The following DMD variants were observed in gnomAD, a reference collection of about 807,000 sequenced individuals.
The protein encoded by DMD is dystrophin.
DMD carries 63 observed loss-of-function variants against 330.1 expected under a neutral mutation model. That is an observed-to-expected ratio of 0.19 (90% CI 0.16 to 0.24). The LOEUF is 0.24. Among genes scored for constraint, DMD ranks in the 10% least tolerant of loss-of-function variants. The pLI, the probability that DMD is intolerant of heterozygous loss-of-function variation, is 1.00. For synonymous variants in DMD, 1,223 were observed against 959.8 expected (o/e 1.27, Z -5.07); for missense variants, 3,344 against 2,684.1 (o/e 1.25, Z -5.43).
chrX:32,987,795 T>G (rs1207052513), intron 2 of DMD, among the ~76,000 whole-genome samples: 1 of 110,071 alleles, frequency 9.1e-6, no homozygotes, highest in Non-Finnish European at 1.9e-5. Flanking sequence ...TCATTAAACT[T>G]AGATGAATTA....
chrX:32,380,472 C>A lies in DMD; in HGVS notation c.4845+38G>T, dbSNP rs372526417. ...TACAAAATCATATTATGTGTTTTCA[C>A]GTATGTTCAAAATAACCTTCAGTGA... On this transcript the variant is annotated intron_variant, in intron 34 of 78. Coordinates refer to ENST00000357033, the MANE Select transcript of DMD (RefSeq NM_004006.3). 5 of 1,167,286 alleles carry A rather than the reference C, an allele frequency of 4.3e-6. No homozygotes were observed. The Admixed American group carries it at 1.1e-4, about 26-fold the overall frequency.
chrX:32,098,018 T>C lies in DMD; in HGVS notation c.6438+118898A>G, dbSNP rs368623108. Reference sequence around the variant, plus strand: ...AAACACCAAAAGCACTCAAAGAACATGACCATAAATTAAAAATAAATCCAT... The same window carrying C: ...AAACACCAAAAGCACTCAAAGAACACGACCATAAATTAAAAATAAATCCAT... On this transcript the variant is annotated intron_variant, in intron 44 of 78. Transcript: ENST00000357033. 5.4e-5 allele frequency among the ~76,000 whole-genome samples: 6 copies of C among 111,340 alleles called. No individual in the cohort carries two copies. The South Asian group carries it at 1.9e-3, about 35-fold the overall frequency.
At chrX:33,301,566 G>C (rs2053662048) in intron 1 of DMD, among the ~76,000 whole-genome samples, 1 of 111,666 alleles carries the variant, frequency 9.0e-6, no homozygotes, top group Admixed American at 9.6e-5. Context: ...CAAAATATCT[G>C]AGACAGGTAA....
chrX:31,820,572 G>A (rs1241015797), intron 49 of DMD, among the ~76,000 whole-genome samples: 1 of 112,044 alleles, frequency 8.9e-6, no homozygotes, highest in Non-Finnish European at 1.9e-5. Context: ...TCTAGATGAT[G>A]GAAATGATGT....
intron 2 of DMD, among the ~76,000 whole-genome samples, chrX:32,929,283 A>T (rs1215369301): frequency 9.0e-6 from 1 of 111,425 alleles, no homozygotes; most frequent in Non-Finnish European, 1.9e-5. Flanking sequence ...CTGTGTCCAA[A>T]CCATATTGAT....
chrX:32,415,154 C>T (rs1485888533), intron 29 of DMD, among the ~76,000 whole-genome samples: 1 of 112,187 alleles, frequency 8.9e-6, no homozygotes, highest in Non-Finnish European at 1.9e-5. Flanking sequence ...AAACAGTGTA[C>T]TCTACAAGGC....
chrX:32,429,273 G>A (rs865803614), intron 29 of DMD, among the ~76,000 whole-genome samples: 4 of 84,001 alleles, frequency 4.8e-5, no homozygotes, highest in African/African-American at 1.4e-4. Flanking sequence ...GAAATGGCAT[G>A]ATCTCAGCTC....
intron 44 of DMD, among the ~76,000 whole-genome samples, chrX:32,170,445 C>A (rs189912102): frequency 7.4e-5 from 8 of 108,016 alleles, no homozygotes; most frequent in Admixed American, 6.1e-4. Flanking sequence ...GTACTCCAAC[C>A]CGGGCAACAG....
At chrX:32,448,209 G>A (rs185427537) in intron 27 of DMD, among the ~76,000 whole-genome samples, 69 of 111,084 alleles carry the variant, frequency 6.2e-4, no homozygotes, top group African/African-American at 2.2e-3. Flanking sequence ...AGGCTAAGTA[G>A]TTTAAAGAGA....
rs398123848 is a variant in DMD, at chrX:31,146,286, C to T, written c.10921+5G>A. The T allele has an allele frequency of 1.2e-5, 15 of 1,209,158 alleles. No individual in the cohort carries two copies. Among genetic ancestry groups the T allele is most frequent in the Non-Finnish European group, 1.7e-5 (15 of 894,762 alleles). On this transcript the variant is annotated splice_donor_5th_base_variant and intron_variant, in intron 76 of 78. Coordinates refer to ENST00000357033, the MANE Select transcript of DMD (RefSeq NM_004006.3). ...ACAAAATCTGAGAGTAGCTAGGACA[C>T]TTACCCATGGAGTCCGAAGTTTGAC...
chrX:32,219,041 A>G (rs1376119576), intron 43 of DMD, among the ~76,000 whole-genome samples: 2 of 112,009 alleles, frequency 1.8e-5, no homozygotes, highest in Non-Finnish European at 3.8e-5. Flanking sequence ...AACCTTTAAA[A>G]TCTTGTAAAA....
intron 55 of DMD, among the ~76,000 whole-genome samples, chrX:31,568,197 A>G (rs1485540934): frequency 4.5e-5 from 5 of 111,372 alleles, no homozygotes; most frequent in African/African-American, 1.6e-4. Context: ...AATATGGCTT[A>G]TATCAGTGAA....
intron 44 of DMD, among the ~76,000 whole-genome samples, chrX:31,969,921 C>T (rs2095384274): frequency 9.0e-6 from 1 of 111,433 alleles, no homozygotes; most frequent in Admixed American, 9.6e-5. Flanking sequence ...AACTAGTTGG[C>T]TTTGCTCCAT....
intron 62 of DMD, among the ~76,000 whole-genome samples, chrX:31,310,225 A>G (rs202100298): frequency 0.012 from 1,075 of 89,310 alleles, 10 homozygotes; most frequent in African/African-American, 0.04. Context: ...ATATATATAT[A>G]TGTGTGTGTG....
intron 1 of DMD, among the ~76,000 whole-genome samples, chrX:33,275,049 C>T (rs937345957): frequency 3.6e-5 from 4 of 111,481 alleles, no homozygotes; most frequent in African/African-American, 1.3e-4. Context: ...ATGTCTTTGT[C>T]GTGTTGTGCT....
chrX:32,113,512 C>G (rs1018504531), intron 44 of DMD, among the ~76,000 whole-genome samples: 1 of 111,620 alleles, frequency 9.0e-6, no homozygotes, highest in Non-Finnish European at 1.9e-5. Context: ...TTCAGGGCCT[C>G]GATTTCGTTC....
In DMD at chrX:33,318,606, T is replaced by G. The variant is rs143783684; in HGVS notation, c.7+20653A>C. Among the ~76,000 whole-genome samples the G allele has an allele frequency of 5.7e-3, 615 of 108,178 alleles. 6 individuals are homozygous for G. Among genetic ancestry groups the G allele is most frequent in the African/African-American group, 0.019 (573 of 29,619 alleles). The allele number at this position is 108,178 out of a possible 115,157, so 93.9% of individuals were successfully genotyped here. A position where few individuals can be genotyped will look rare whatever the true frequency, so the allele number is the denominator to read the frequency against. On this transcript the variant is annotated intron_variant, in intron 1 of 17. Coordinates refer to the DMD transcript ENST00000288447. ...GCCACCATGCCCAGCAAAATTTTTT[T>G]TTTGTTTGTTTGTATTTCTTAGTAG...
At chrX:32,160,380 T>A (rs1301332217) in intron 44 of DMD, among the ~76,000 whole-genome samples, 1 of 110,201 alleles carries the variant, frequency 9.1e-6, no homozygotes, top group Non-Finnish European at 1.9e-5. Flanking sequence ...ATTACAAGCA[T>A]GCACCACAAA....
intron 1 of DMD, among the ~76,000 whole-genome samples, chrX:33,275,498 G>GT (rs1440827696): frequency 8.9e-6 from 1 of 111,940 alleles, no homozygotes; most frequent in Non-Finnish European, 1.9e-5. Flanking sequence ...AGTATATAGC[G>GT]TATGTTCATG....
Sources: allele counts gnomAD v4.1 joint callset (sites outside exome capture counted in the v4.1 genomes callset), GRCh38; gene constraint gnomAD v4.1.1; transcripts MANE v1.5; gene names NCBI Gene and HGNC (gene_info 2026-07-23, HGNC 2026-07-21).